Variants in TBC1D8 observed in about 807,000 individuals in gnomAD.
The protein encoded by TBC1D8 is TBC1 domain family member 8, also known as BUB2-like protein 1.
Under a neutral mutation model 118.8 loss-of-function variants are expected in TBC1D8, and 65 were observed. That is an observed-to-expected ratio of 0.55 (90% CI 0.45 to 0.67). The LOEUF (loss-of-function observed/expected upper bound fraction) is 0.67, where lower values mean the gene tolerates loss of function less well. Ranked by LOEUF, TBC1D8 falls within the 30% of genes least tolerant of loss-of-function variation. TBC1D8 has a pLI of 0.00. For missense variants in TBC1D8, 1,376 were observed against 1,471.2 expected (o/e 0.94, Z 1.06); for synonymous variants, 566 against 595.8 (o/e 0.95, Z 0.73).
rs557260389 is a variant in TBC1D8 at position 101,022,261 on chromosome 2, G to A, written c.2761+20C>T. The stretch of plus-strand genomic sequence containing the variant: ...CCCACACCCCAAAGCACATCACTGC[G>A]AAATCCCACAGAGGCATACCGAGGC... On this transcript the variant is annotated intron_variant, in intron 16 of 19. Coordinates refer to ENST00000409318, the MANE Select transcript of TBC1D8 (RefSeq NM_001330348.2). 5.0e-6 allele frequency: 8 copies of A among 1,613,220 alleles called. No individual in the cohort carries two copies. Among genetic ancestry groups the A allele is most frequent in the African/African-American group, 2.7e-5 (2 of 75,012 alleles).
At position 101,090,375 on chromosome 2, in the gene TBC1D8, AAAGAG is replaced by A; in HGVS notation, c.128-16_128-12del. ...CGCCGACCAGGCGACCTTCAAAAGA[AAAGAG>A]AAGAAAGTGCACCTGTGAGCATGGG... On this transcript the variant is annotated splice_polypyrimidine_tract_variant and intron_variant, in intron 1 of 19. Transcript: ENST00000409318. 6.2e-7 allele frequency: 1 copy of A among 1,613,616 alleles called. No homozygotes were observed. Among genetic ancestry groups the A allele is most frequent in the Non-Finnish European group, 8.5e-7 (1 of 1,179,788 alleles).
intron 2 of TBC1D8, among the ~76,000 whole-genome samples, chr2:101,059,953 C>T (rs548473387): frequency 6.6e-6 from 1 of 152,164 alleles, no homozygotes; most frequent in Admixed American, 6.5e-5. Context: ...AAAAAAAAAT[C>T]TTGCCTCTCA....
At chr2:101,099,330 T>C (rs1462683642) in intron 1 of TBC1D8, among the ~76,000 whole-genome samples, 1 of 152,178 alleles carries the variant, frequency 6.6e-6, no homozygotes, top group Non-Finnish European at 1.5e-5. Flanking sequence ...AATCCCTGAA[T>C]AGACCAATAA....
At chr2:101,014,741 C>T (rs529266154) in intron 17 of TBC1D8, among the ~76,000 whole-genome samples, 13 of 152,218 alleles carry the variant, frequency 8.5e-5, no homozygotes, top group Admixed American at 3.3e-4. Flanking sequence ...AAAGCAAGAG[C>T]GTACAGAGTT....
At chr2:101,079,967 T>C (rs2105446322) in intron 2 of TBC1D8, among the ~76,000 whole-genome samples, 1 of 152,152 alleles carries the variant, frequency 6.6e-6, no homozygotes, top group South Asian at 2.1e-4. Flanking sequence ...ATTACAGGTG[T>C]GAGCCACCGC....
At chr2:101,073,500 TAGCC>T (rs930640019) in intron 2 of TBC1D8, among the ~76,000 whole-genome samples, 1 of 152,082 alleles carries the variant, frequency 6.6e-6, no homozygotes, top group Non-Finnish European at 1.5e-5. Context: ...TTCACCGTGT[TAGCC>T]AGGATGGTCT....
At chr2:101,118,909 G>T (rs995484022) in intron 1 of TBC1D8, among the ~76,000 whole-genome samples, 2 of 152,068 alleles carry the variant, frequency 1.3e-5, no homozygotes, top group African/African-American at 2.4e-5. Flanking sequence ...TACTTGGGAG[G>T]CTGAGGTGGG....
rs1237713464 is a variant in TBC1D8 at position 101,007,739 on chromosome 2, C to T, written c.*82G>A. 15 of 1,413,864 alleles carry T rather than the reference C, an allele frequency of 1.1e-5. No individual in the cohort carries two copies. Among genetic ancestry groups the T allele is most frequent in the South Asian group, 5.4e-5 (4 of 74,502 alleles). The allele number at this position is 1,413,864 out of a possible 1,614,324, so 87.6% of individuals were successfully genotyped here. On this transcript the variant is annotated 3_prime_UTR_variant, in exon 20 of 20. Transcript: ENST00000409318. ...CCATTGGTAAGGTAGACTGAAATCT[C>T]GGTTTAGGGCTGACCCCAAGAAACA...
At chr2:101,019,130 G>A (rs1240208232) in intron 17 of TBC1D8, 5 of 1,517,988 alleles carry the variant, frequency 3.3e-6, no homozygotes, top group Non-Finnish European at 4.5e-6. Flanking sequence ...CAAGCTCACC[G>A]AGGACGTCTG....
At chr2:101,077,945 T>C (rs1190684815) in intron 2 of TBC1D8, among the ~76,000 whole-genome samples, 4 of 152,156 alleles carry the variant, frequency 2.6e-5, no homozygotes, top group Non-Finnish European at 5.9e-5. Flanking sequence ...GAACCTAAAA[T>C]TGGCCTTTTG....
At chr2:101,081,749 A>G (rs1407658383) in intron 2 of TBC1D8, among the ~76,000 whole-genome samples, 3 of 152,362 alleles carry the variant, frequency 2.0e-5, no homozygotes, top group Admixed American at 2.0e-4. Flanking sequence ...ATCTAGGCAG[A>G]TAATTCAAAG....
chr2:101,125,330 G>A (rs1196175651), intron 1 of TBC1D8, among the ~76,000 whole-genome samples: 4 of 152,130 alleles, frequency 2.6e-5, no homozygotes, highest in African/African-American at 9.7e-5. Context: ...TCCAGGTCTG[G>A]TGCAGGCAGA....
intron 1 of TBC1D8, among the ~76,000 whole-genome samples, chr2:101,117,449 G>A (rs190844004): frequency 1.3e-4 from 20 of 151,942 alleles, no homozygotes; most frequent in African/African-American, 4.3e-4. Flanking sequence ...AGTCATTAAC[G>A]TTGCTATTTA....
At chr2:101,035,988 A>G (rs200234435) in intron 9 of TBC1D8, 30 bp downstream of exon 9, 13 of 1,611,602 alleles carry the variant, frequency 8.1e-6, no homozygotes, top group Non-Finnish European at 1.1e-5. Flanking sequence ...CAAAAAGAAC[A>G]ATTAGCTTCG....
At chr2:101,014,536 G>GT (rs900011438) in intron 17 of TBC1D8, among the ~76,000 whole-genome samples, 1 of 152,146 alleles carries the variant, frequency 6.6e-6, no homozygotes, top group African/African-American at 2.4e-5. Context: ...TAGAATGACT[G>GT]TTTTTTCCCT....
At chr2:101,095,267 A>ATTATTATTATTATTATTAT (rs1278439167) in intron 1 of TBC1D8, among the ~76,000 whole-genome samples, 1 of 149,818 alleles carries the variant, frequency 6.7e-6, no homozygotes, top group Non-Finnish European at 1.5e-5. Context: ...TATTATTATT[A>ATTATTATTATTATTATTAT]TACTTTAAGT....
intron 1 of TBC1D8, among the ~76,000 whole-genome samples, chr2:101,125,947 C>T (rs1409396405): frequency 6.6e-6 from 1 of 152,182 alleles, no homozygotes; most frequent in Non-Finnish European, 1.5e-5. Context: ...CCTTGAGTCC[C>T]TATTAGGTTA....
intron 2 of TBC1D8, chr2:101,068,473 G>C (rs951743641): frequency 2.6e-6 from 1 of 377,442 alleles, no homozygotes. Context: ...CAATGTTCCA[G>C]GAAGTTCTTC....
chr2:101,019,186 C>T (rs942621197), intron 17 of TBC1D8: 8 of 1,087,286 alleles, frequency 7.4e-6, no homozygotes, highest in South Asian at 3.3e-5. Context: ...TCTACACGGC[C>T]GGGGTTTCAA....
Sources: allele counts gnomAD v4.1 joint callset (sites outside exome capture counted in the v4.1 genomes callset), GRCh38; gene constraint gnomAD v4.1.1; transcripts MANE v1.5; gene names NCBI Gene and HGNC (gene_info 2026-07-23, HGNC 2026-07-21).